The following MICAL2 variants were observed in gnomAD, a reference collection of about 807,000 sequenced individuals.
The protein encoded by MICAL2 is microtubule associated monooxygenase, calponin and LIM domain containing 2.
MICAL2 carries 77 observed loss-of-function variants against 127.3 expected under a neutral mutation model. The observed-to-expected ratio is 0.60, with a 90% CI of 0.50 to 0.73. MICAL2 has a LOEUF of 0.73. MICAL2 is among the 30% of genes least tolerant of loss of function. The probability of loss-of-function intolerance (pLI) is 0.00; values close to 1 mark genes in which losing one functional copy is unlikely to be tolerated. For missense variants in MICAL2, 1,351 were observed against 1,434.4 expected (o/e 0.94, Z 0.94); for synonymous variants, 570 against 551.1 (o/e 1.03, Z -0.48).
intron 32 of MICAL2, among the ~76,000 whole-genome samples, chr11:12,334,649 C>A (rs530500290): frequency 5.8e-4 from 79 of 136,758 alleles, no homozygotes; most frequent in African/African-American, 2.0e-3. Flanking sequence ...GTTCCCCTTC[C>A]TGTGTCCATG....
At chr11:12,261,893 A>G in intron 26 of MICAL2, 1 of 986,184 alleles carries the variant, frequency 1.0e-6, no homozygotes, top group Non-Finnish European at 1.2e-6. Flanking sequence ...CTTTTGTTTG[A>G]GTATAGAAAG....
At chr11:12,341,720 G>A (rs1305009418) in intron 32 of MICAL2, among the ~76,000 whole-genome samples, 5 of 152,132 alleles carry the variant, frequency 3.3e-5, no homozygotes, top group African/African-American at 1.2e-4. Flanking sequence ...CCAGCTACTT[G>A]GGAGGCTGAG....
intron 29 of MICAL2, chr11:12,319,627 C>G (rs1016036321): frequency 1.6e-5 from 18 of 1,125,196 alleles, no homozygotes; most frequent in South Asian, 2.5e-5. Flanking sequence ...GAGGAGGAAG[C>G]AGCAGCTTTG....
upstream of MICAL2, chr11:12,274,632 A>G (rs76784867): frequency 0.083 from 12,711 of 152,284 alleles, 618 homozygotes; most frequent in Middle Eastern, 0.13. Flanking sequence ...AAGCAAGAGC[A>G]GTGCAAGGGG....
intron 3 of MICAL2, among the ~76,000 whole-genome samples, chr11:12,177,167 T>C (rs1325078457): frequency 6.6e-6 from 1 of 152,192 alleles, no homozygotes; most frequent in Non-Finnish European, 1.5e-5. Flanking sequence ...ATCATACTTA[T>C]TTTTTGTTTT....
chr11:12,216,075 C>A (rs1856111692), intron 7 of MICAL2, 144 bp from the exon 8 acceptor site: 2 of 628,950 alleles, frequency 3.2e-6, no homozygotes, highest in South Asian at 2.0e-5. Context: ...TTTATCTTTG[C>A]CAGCCTTGTG....
At chr11:12,157,144 G>C (rs1048467033) in intron 2 of MICAL2, among the ~76,000 whole-genome samples, 5 of 152,168 alleles carry the variant, frequency 3.3e-5, no homozygotes, top group Admixed American at 6.5e-5. Context: ...ATCTCCTTAA[G>C]TTTGTATAAA....
In MICAL2 at chr11:12,340,340, A is replaced by G. The variant is rs115455424; in HGVS notation, c.5516-9498A>G. Among the ~76,000 whole-genome samples, 610 of 152,348 alleles carry G rather than the reference A, an allele frequency of 4.0e-3. 5 individuals carry two copies. The highest frequency in any genetic ancestry group is 0.014 in the African/African-American group (568 of 41,578). Reference sequence around the variant, plus strand: ...ATAATTCAGACTACAGTAAAAAACTATGGAAAACTATTAAATTATTAGAAC... The same window carrying G: ...ATAATTCAGACTACAGTAAAAAACTGTGGAAAACTATTAAATTATTAGAAC... On this transcript the variant is annotated intron_variant, in intron 32 of 34. Transcript: ENST00000646065.
At chr11:12,344,662 G>C (rs1465409330) in intron 32 of MICAL2, among the ~76,000 whole-genome samples, 2 of 150,092 alleles carry the variant, frequency 1.3e-5, no homozygotes, top group Admixed American at 1.3e-4. Context: ...ACTATGCCAA[G>C]CTAACTTTTG....
chr11:12,173,240 C>T (rs993169677), intron 3 of MICAL2, among the ~76,000 whole-genome samples: 1 of 152,148 alleles, frequency 6.6e-6, no homozygotes, highest in South Asian at 2.1e-4. Context: ...TACAGGGTAG[C>T]GAGCTATACC....
At chr11:12,355,949 GA>G (rs1565314518) in intron 34 of MICAL2, among the ~76,000 whole-genome samples, 2 of 51,034 alleles carry the variant, frequency 3.9e-5, no homozygotes, top group African/African-American at 1.1e-4. Flanking sequence ...CCTAAACTGA[GA>G]GAGGATTTTT....
chr11:12,273,314 G>A (rs1436885534), upstream of MICAL2, among the ~76,000 whole-genome samples: 7 of 152,138 alleles, frequency 4.6e-5, no homozygotes, highest in East Asian at 1.3e-3. Context: ...TATATATTGA[G>A]CACCCAATAA....
intron 21 of MICAL2, among the ~76,000 whole-genome samples, chr11:12,248,260 G>A (rs1417744520): frequency 1.3e-5 from 2 of 152,100 alleles, no homozygotes; most frequent in Non-Finnish European, 2.9e-5. Context: ...GGGCTCTCAC[G>A]GGGGGCTCAG....
At chr11:12,310,250 C>G (rs2134821553) in intron 29 of MICAL2, among the ~76,000 whole-genome samples, 1 of 152,170 alleles carries the variant, frequency 6.6e-6, no homozygotes, top group Non-Finnish European at 1.5e-5. Context: ...AAATCTTTGC[C>G]CAGACCAATG....
At chr11:12,236,352 A>C in intron 16 of MICAL2, 107 bp downstream of exon 16, 4 of 983,292 alleles carry the variant, frequency 4.1e-6, no homozygotes, top group Non-Finnish European at 6.5e-6. Context: ...TCCCTCTCTC[A>C]TGAACCACTG....
rs534378425 is a variant in MICAL2, at chr11:12,151,243, G to A, written c.-77-10836G>A. 1.8e-4 allele frequency among the ~76,000 whole-genome samples: 28 copies of A among 152,264 alleles called. No individual in the cohort carries two copies. In the South Asian group the frequency reaches 2.5e-3, roughly 14 times the overall value. Reference sequence around the variant, plus strand: ...AGGTTGCACATGTGTGAGTGCCTACGTAGAGGGGTGGGCAGGCTTATTTCT... The same window carrying A: ...AGGTTGCACATGTGTGAGTGCCTACATAGAGGGGTGGGCAGGCTTATTTCT... On this transcript the variant is annotated intron_variant, in intron 2 of 27. Coordinates refer to ENST00000683283, the MANE Select transcript of MICAL2 (RefSeq NM_001282663.2).
intron 2 of MICAL2, among the ~76,000 whole-genome samples, chr11:12,143,968 G>A (rs1465441647): frequency 6.6e-6 from 1 of 151,968 alleles, no homozygotes; most frequent in Non-Finnish European, 1.5e-5. Context: ...AGAGCGCCAG[G>A]AACTCTTGTC....
chr11:12,236,123 G>A, intron 15 of MICAL2, 54 bp from the exon 16 acceptor site: 1 of 1,490,412 alleles, frequency 6.7e-7, no homozygotes, highest in South Asian at 1.1e-5. Flanking sequence ...ATCTTAGTGG[G>A]ACTGAAGCCC....
intron 3 of MICAL2, among the ~76,000 whole-genome samples, chr11:12,203,678 T>C (rs1854310698): frequency 1.3e-5 from 2 of 152,236 alleles, no homozygotes. Flanking sequence ...ATCAGATATA[T>C]GATGTGCAAC....
Sources: allele counts gnomAD v4.1 joint callset (sites outside exome capture counted in the v4.1 genomes callset), GRCh38; gene constraint gnomAD v4.1.1; transcripts MANE v1.5; gene names NCBI Gene and HGNC (gene_info 2026-07-23, HGNC 2026-07-21).